ZNF532: variants seen among roughly 807,000 people sequenced by gnomAD.
The protein encoded by ZNF532 is zinc finger protein 532.
A neutral mutation model predicts 89.3 loss-of-function variants in ZNF532; 22 were observed. The observed-to-expected ratio is 0.25, with a 90% CI of 0.18 to 0.35. The LOEUF is 0.35. ZNF532 is among the 10% of genes least tolerant of loss of function. ZNF532 has a pLI of 1.00. For missense variants in ZNF532, 1,132 were observed against 1,643.4 expected (o/e 0.69, Z 5.38); for synonymous variants, 606 against 649.6 (o/e 0.93, Z 1.02).
chr18:58,928,426 A>T (rs2061698524), intron 3 of ZNF532, among the ~76,000 whole-genome samples: 1 of 152,040 alleles, frequency 6.6e-6, no homozygotes, highest in Non-Finnish European at 1.5e-5. Context: ...ATGCTCAGTG[A>T]CCCCCAAGAG....
chr18:58,959,257 T>TC (rs2065093773), intron 7 of ZNF532, among the ~76,000 whole-genome samples: 1 of 144,074 alleles, frequency 6.9e-6, no homozygotes, highest in African/African-American at 2.8e-5. Context: ...TTTTTTGTTT[T>TC]TTGTTTTTTT....
chr18:58,930,967 C>T (rs187087624), intron 3 of ZNF532, among the ~76,000 whole-genome samples: 10 of 152,158 alleles, frequency 6.6e-5, no homozygotes, highest in East Asian at 1.9e-4. Flanking sequence ...AATTGCAAAG[C>T]GTGGAATGTG....
rs772146910 is a variant in ZNF532, at chr18:58,934,445, A to G, written c.2359A>G (p.Ile787Val). The change falls in exon 4 of 10, where the codon ATC becomes GTC. Residue 787 changes from isoleucine to valine, a missense_variant. By Grantham distance (29) the Ile-to-Val change is conservative. This residue lies in a region of ZNF532 where 100 missense variants were observed against 122.0 expected (regional missense o/e 0.82). Coordinates refer to ENST00000591808, the MANE Select transcript of ZNF532 (RefSeq NM_001375912.1). ...TTGGTTTGTTTAGAAGACTTGCACT[A>G]TCTGCCAGATGCTGCTTCCTAACCA... ...ADTSGQKTCT[I>V]CQMLLPNQCS... is the part of the protein sequence containing the mutation. 44 of 1,613,732 alleles carry G rather than the reference A, an allele frequency of 2.7e-5. No individual in the cohort carries two copies. The highest frequency in any genetic ancestry group is 3.4e-5 in the Non-Finnish European group (40 of 1,179,800).
chr18:58,974,413 GTA>G (rs1568459263), intron 7 of ZNF532, among the ~76,000 whole-genome samples: 2 of 152,102 alleles, frequency 1.3e-5, no homozygotes, highest in African/African-American at 4.8e-5. Flanking sequence ...GCATCTTGTG[GTA>G]TGAGTGCATG....
At position 58,985,255 on chromosome 18, in the gene ZNF532, G is replaced by C. The variant is rs1381383773; in HGVS notation, c.*789G>C. On this transcript the variant is annotated 3_prime_UTR_variant, in exon 10 of 10. Coordinates refer to ENST00000591808, the MANE Select transcript of ZNF532 (RefSeq NM_001375912.1). ...GGCTGGCTTTAAGAGCACAAGGAGG[G>C]AAAGTAACGAAAGGGCTGGACTACT... The C allele has an allele frequency of 1.3e-5, 2 of 152,234 alleles. No individual in the cohort carries two copies. Among genetic ancestry groups the C allele is most frequent in the Non-Finnish European group, 2.9e-5 (2 of 68,040 alleles). 9.4% of individuals were successfully genotyped at this position (152,234 alleles called of 1,614,324 possible).
At chr18:58,905,913 T>G (rs2059906493) in intron 2 of ZNF532, among the ~76,000 whole-genome samples, 1 of 152,218 alleles carries the variant, frequency 6.6e-6, no homozygotes, top group Non-Finnish European at 1.5e-5. Context: ...TAAGGAATAC[T>G]GGTCAGGGAT....
At chr18:58,924,359 T>C (rs571238766) in intron 3 of ZNF532, among the ~76,000 whole-genome samples, 32 of 152,198 alleles carry the variant, frequency 2.1e-4, no homozygotes, top group Non-Finnish European at 4.4e-4. Context: ...ATGCCCTGGG[T>C]CTGCACATTA....
intron 2 of ZNF532, among the ~76,000 whole-genome samples, chr18:58,904,193 A>T (rs2059777618): frequency 6.6e-6 from 1 of 152,112 alleles, no homozygotes. Flanking sequence ...TCTACAAAAA[A>T]TATAAAAATT....
At chr18:58,910,137 AACTTT>A (rs1272910379) in intron 2 of ZNF532, among the ~76,000 whole-genome samples, 1 of 152,206 alleles carries the variant, frequency 6.6e-6, no homozygotes, top group African/African-American at 2.4e-5. Flanking sequence ...TCATTTACCC[AACTTT>A]ACTTAAAGGT....
In ZNF532 at chr18:58,920,498, C is replaced by T; in HGVS notation, c.2211C>T (p.Thr737=). The change falls in exon 3 of 10, where the codon ACC becomes ACT. Residue 737 remains threonine (T), a synonymous_variant. Coordinates refer to ENST00000591808, the MANE Select transcript of ZNF532 (RefSeq NM_001375912.1). ...CGGCTCCTTCAAGCACTCCCATCAC[C>T]CCAGCCATGCCCCTAGATGAAGACC... ...VISAPSSTPI[T]PAMPLDEDPS... The T allele has an allele frequency of 1.2e-6, 2 of 1,613,944 alleles. No individual in the cohort carries two copies. The highest frequency in any genetic ancestry group is 1.7e-6 in the Non-Finnish European group (2 of 1,179,850).
intron 2 of ZNF532, among the ~76,000 whole-genome samples, chr18:58,876,214 G>C (rs150177409): frequency 6.6e-6 from 1 of 152,150 alleles, no homozygotes; most frequent in South Asian, 2.1e-4. Context: ...GATTACAGGC[G>C]TGAGCCACCG....
intron 2 of ZNF532, among the ~76,000 whole-genome samples, chr18:58,888,712 TA>T (rs1294850823): frequency 5.4e-4 from 9 of 16,728 alleles, no homozygotes; most frequent in African/African-American, 2.0e-3. Flanking sequence ...TATATATATA[TA>T]TATATATATA....
chr18:58,899,587 G>C (rs1381486904), intron 2 of ZNF532, among the ~76,000 whole-genome samples: 6 of 152,134 alleles, frequency 3.9e-5, no homozygotes, highest in Non-Finnish European at 5.9e-5. Context: ...TCCTGCCTCA[G>C]CCTCCTGAGT....
At position 58,907,406 on chromosome 18, in the gene ZNF532, G is replaced by A. The variant is rs546465551; in HGVS notation, c.-17-10865G>A. Among the ~76,000 whole-genome samples the A allele has an allele frequency of 5.9e-5, 9 of 152,152 alleles. No individual in the cohort carries two copies. In the East Asian group the frequency reaches 1.5e-3, roughly 26 times the overall value. ...TTACCATGTCAGCCAGGCTGGTCTT[G>A]AACTCCTGACCTCGTGATCCCCCCT... On this transcript the variant is annotated intron_variant, in intron 2 of 9. Coordinates refer to ENST00000591808, the MANE Select transcript of ZNF532 (RefSeq NM_001375912.1).
At position 58,984,638 on chromosome 18, in the gene ZNF532, A is replaced by AC; in HGVS notation, c.*173dup. On this transcript the variant is annotated 3_prime_UTR_variant, in exon 10 of 10. Coordinates refer to ENST00000591808, the MANE Select transcript of ZNF532 (RefSeq NM_001375912.1). ...GTATATATCCTCGATAAGTATTAAAACAGTATTTGAGTTTAAAAGAGTTTG... is the reference window on the plus strand; with the variant it reads ...GTATATATCCTCGATAAGTATTAAAACCAGTATTTGAGTTTAAAAGAGTTTG... 6.9e-6 allele frequency: 5 copies of AC among 720,536 alleles called. No homozygotes were observed. Among genetic ancestry groups the AC allele is most frequent in the South Asian group, 6.7e-5 (3 of 44,520 alleles). 44.6% of individuals were successfully genotyped at this position (720,536 alleles called of 1,614,324 possible). A position where few individuals can be genotyped will look rare whatever the true frequency, so the allele number is the denominator to read the frequency against.
chr18:58,980,123 A>G (rs1012250128), intron 8 of ZNF532: 3 of 152,266 alleles, frequency 2.0e-5, no homozygotes, highest in African/African-American at 7.2e-5. Context: ...CCTATGGATC[A>G]GGAGACTTAT....
intron 2 of ZNF532, among the ~76,000 whole-genome samples, chr18:58,875,151 C>G (rs531709921): frequency 2.0e-5 from 3 of 152,040 alleles, no homozygotes; most frequent in Non-Finnish European, 4.4e-5. Context: ...CTTTCCCCCC[C>G]CTTTTTTTCT....
chr18:58,919,253 C>T lies in ZNF532; in HGVS notation c.966C>T (p.Asp322=), dbSNP rs768854769. 9.9e-6 allele frequency: 16 copies of T among 1,613,940 alleles called. No individual in the cohort carries two copies. Among genetic ancestry groups the T allele is most frequent in the Admixed American group, 1.7e-5 (1 of 60,002 alleles). ...CTCCTGAATCCCAGAATCTCATCGA[C>T]GGGACCAAAAAACCATCCCTGAAGC... ...DKSPESQNLI[D]GTKKPSLKQP... The change falls in exon 3 of 10, where the codon GAC becomes GAT. Residue 322 remains aspartate, a synonymous_variant. Coordinates refer to ENST00000591808, the MANE Select transcript of ZNF532 (RefSeq NM_001375912.1). This position sits in a 1 kb window ranked among gnomAD's most constrained non-coding sequence, Gnocchi z 6.1.
At chr18:58,973,410 T>A (rs1390895846) in intron 7 of ZNF532, among the ~76,000 whole-genome samples, 1 of 152,218 alleles carries the variant, frequency 6.6e-6, no homozygotes, top group African/African-American at 2.4e-5. Flanking sequence ...CCAGAAAGAT[T>A]TTTTTGTTAC....
Sources: allele counts gnomAD v4.1 joint callset (sites outside exome capture counted in the v4.1 genomes callset), GRCh38; gene constraint gnomAD v4.1.1; regional missense constraint gnomAD v4.1.1; non-coding constraint Gnocchi (gnomAD v3.1); transcripts MANE v1.5; gene names NCBI Gene and HGNC (gene_info 2026-07-23, HGNC 2026-07-21).